Variants in DPP10 observed in about 807,000 individuals in gnomAD.
DPP10 encodes dipeptidyl peptidase like 10, also known as inactive dipeptidyl peptidase 10.
Under a neutral mutation model 120.9 loss-of-function variants are expected in DPP10, and 33 were observed. The observed-to-expected ratio is 0.27, with a 90% CI of 0.21 to 0.37. The LOEUF is 0.37. Among genes scored for constraint, DPP10 ranks in the 10% least tolerant of loss-of-function variants. DPP10 has a pLI of 1.00. For missense variants in DPP10, 816 were observed against 942.8 expected, an observed-to-expected ratio of 0.87 and a Z score of 1.76; for synonymous variants, 337 against 326.1, an observed-to-expected ratio of 1.03 and a Z score of -0.36.
chr2:115,382,478 A>C (rs1045371826), intron 3 of DPP10, among the ~76,000 whole-genome samples: 11 of 152,294 alleles, frequency 7.2e-5, no homozygotes, highest in African/African-American at 1.9e-4. Flanking sequence ...TATTGAGATG[A>C]ACCTGGTACC....
At chr2:114,810,009 T>C (rs1996620) in intron 1 of DPP10, among the ~76,000 whole-genome samples, 98,193 of 151,944 alleles carry the variant, frequency 0.65, 31,809 homozygotes, top group East Asian at 0.79. Flanking sequence ...TCCCATGTCT[T>C]TCAATGATCA....
chr2:114,755,874 C>A (rs1402382404), intron 1 of DPP10, among the ~76,000 whole-genome samples: 1 of 148,540 alleles, frequency 6.7e-6, no homozygotes, highest in African/African-American at 2.5e-5. Flanking sequence ...CTTTTAAGAC[C>A]AATTGAAGTC....
chr2:115,173,273 A>G (rs1169379269), intron 1 of DPP10, among the ~76,000 whole-genome samples: 2 of 152,210 alleles, frequency 1.3e-5, no homozygotes, highest in Admixed American at 6.5e-5. Flanking sequence ...AATACAATCT[A>G]GGATTAGCTG....
chr2:114,686,483 G>A lies in DPP10; in HGVS notation c.60+243645G>A, dbSNP rs144012653. Among the ~76,000 whole-genome samples, 63 of 151,932 alleles carry A rather than the reference G, an allele frequency of 4.1e-4. No individual in the cohort carries two copies. In the East Asian group the frequency reaches 0.011, roughly 27 times the overall value. ...TATAGATGTAAAGAGCTAAAACTGA[G>A]GACATCATAACCCTAGGAATCCTAG... is the stretch of plus-strand genomic sequence containing the variant. On this transcript the variant is annotated intron_variant, in intron 1 of 25. Transcript: ENST00000410059.
intron 1 of DPP10, among the ~76,000 whole-genome samples, chr2:114,989,587 C>T (rs1191786505): frequency 1.3e-5 from 2 of 152,142 alleles, no homozygotes; most frequent in African/African-American, 4.8e-5. Flanking sequence ...GGATCTGGCT[C>T]ATGTGAGATC....
intron 1 of DPP10, among the ~76,000 whole-genome samples, chr2:115,192,430 C>T (rs1027317979): frequency 2.0e-5 from 3 of 152,214 alleles, no homozygotes; most frequent in African/African-American, 7.2e-5. Flanking sequence ...AATCTCTATG[C>T]ACCCATAAAC....
intron 5 of DPP10, among the ~76,000 whole-genome samples, chr2:115,605,073 G>T (rs2083610813): frequency 6.6e-6 from 1 of 152,142 alleles, no homozygotes; most frequent in Non-Finnish European, 1.5e-5. Flanking sequence ...TAAAGTTACA[G>T]AGAAAACAAT....
At chr2:115,164,609 A>G (rs2052693103) in intron 1 of DPP10, among the ~76,000 whole-genome samples, 2 of 152,196 alleles carry the variant, frequency 1.3e-5, no homozygotes, top group Non-Finnish European at 2.9e-5. Context: ...TATGGTGAAG[A>G]TTTTTATGAA....
At chr2:115,086,601 C>T (rs967964426) in intron 1 of DPP10, among the ~76,000 whole-genome samples, 10 of 152,092 alleles carry the variant, frequency 6.6e-5, no homozygotes, top group East Asian at 1.9e-4. Context: ...GGACTACAGG[C>T]GCCCACCACT....
chr2:114,950,461 A>AT (rs1203195547), intron 1 of DPP10, among the ~76,000 whole-genome samples: 3,503 of 137,072 alleles, frequency 0.026, 53 homozygotes, highest in Admixed American at 0.034. Flanking sequence ...CGCCCCGGTA[A>AT]TTTTTTTATT....
intron 5 of DPP10, among the ~76,000 whole-genome samples, chr2:115,615,250 T>C (rs949991500): frequency 6.6e-6 from 1 of 152,152 alleles, no homozygotes; most frequent in African/African-American, 2.4e-5. Flanking sequence ...GTAACCTTTG[T>C]GTCCATAGAT....
Position 114,560,493 on chromosome 2 carries a change from T to C in DPP10, c.60+117655T>C, listed in dbSNP as rs981786433. Among the ~76,000 whole-genome samples the C allele has an allele frequency of 2.6e-5, 4 of 152,258 alleles. No individual in the cohort carries two copies. In the East Asian group the frequency reaches 7.7e-4, roughly 29 times the overall value. The stretch of plus-strand genomic sequence containing the variant: ...GTGAGGGAGAAGTTGGGGACCAGTG[T>C]CAGGTAGTCAGGCCTTTGCTGGTAG... On this transcript the variant is annotated intron_variant, in intron 1 of 25. Transcript: ENST00000410059.
chr2:114,946,774 G>A (rs74432589), intron 1 of DPP10, among the ~76,000 whole-genome samples: 11 of 151,864 alleles, frequency 7.2e-5, no homozygotes, highest in Middle Eastern at 3.4e-3. Context: ...TCTTGTCAAA[G>A]GTTTGTATCA....
chr2:115,575,445 G>GGGC (rs1030052570), intron 5 of DPP10, among the ~76,000 whole-genome samples: 22 of 152,234 alleles, frequency 1.4e-4, no homozygotes, highest in African/African-American at 5.1e-4. Context: ...CAGCCTAGGG[G>GGGC]GGCCCCTTTA....
chr2:114,662,555 GAAGA>G (rs2105559853), intron 1 of DPP10, among the ~76,000 whole-genome samples: 1 of 152,246 alleles, frequency 6.6e-6, no homozygotes, highest in East Asian at 1.9e-4. Flanking sequence ...CCCCGGAAAT[GAAGA>G]AAGACACTTC....
At chr2:115,297,670 A>C (rs537999394) in intron 1 of DPP10, among the ~76,000 whole-genome samples, 3 of 152,040 alleles carry the variant, frequency 2.0e-5, no homozygotes, top group African/African-American at 7.2e-5. Context: ...CTAGTCTGTT[A>C]ACTAGAAACT....
chr2:114,480,613 A>C (rs1301076822), intron 1 of DPP10, among the ~76,000 whole-genome samples: 2 of 150,890 alleles, frequency 1.3e-5, no homozygotes, highest in African/African-American at 4.9e-5. Flanking sequence ...AAGGACAAAA[A>C]ACCAAACACC....
In DPP10 at chr2:115,522,796, T is replaced by G. The variant is rs76371901; in HGVS notation, c.367-3102T>G. 1.6e-4 allele frequency among the ~76,000 whole-genome samples: 25 copies of G among 152,244 alleles called. 2 individuals carry two copies. The East Asian group carries it at 3.7e-3, about 22-fold the overall frequency. ...TCAATAGTAATTAAGTTGTTAAATATGAAGGTACTGTAATAGCATTATTGG... is the reference window on the plus strand; with the variant it reads ...TCAATAGTAATTAAGTTGTTAAATAGGAAGGTACTGTAATAGCATTATTGG... On this transcript the variant is annotated intron_variant, in intron 4 of 25. Coordinates refer to ENST00000410059, the MANE Select transcript of DPP10 (RefSeq NM_020868.6).
At chr2:115,033,846 G>A (rs888868965) in intron 1 of DPP10, among the ~76,000 whole-genome samples, 3 of 147,562 alleles carry the variant, frequency 2.0e-5, no homozygotes, top group East Asian at 2.0e-4. Flanking sequence ...GACTACATGC[G>A]TGAGCCACTG....
Sources: allele counts gnomAD v4.1 joint callset (sites outside exome capture counted in the v4.1 genomes callset), GRCh38; gene constraint gnomAD v4.1.1; transcripts MANE v1.5; gene names NCBI Gene and HGNC (gene_info 2026-07-23, HGNC 2026-07-21).